RCL1: variants seen among roughly 807,000 people sequenced by gnomAD.
The protein encoded by RCL1 is RNA 3'-terminal phosphate cyclase-like protein.
A neutral mutation model predicts 42.4 loss-of-function variants in RCL1; 24 were observed. That is an observed-to-expected ratio of 0.57 (90% CI 0.41 to 0.80). The LOEUF is 0.80. Among genes scored for constraint, RCL1 ranks in the 30% least tolerant of loss-of-function variants. The probability of loss-of-function intolerance (pLI) is 0.00; values close to 1 mark genes in which losing one functional copy is unlikely to be tolerated. For synonymous variants in RCL1, 228 were observed against 177.3 expected, an observed-to-expected ratio of 1.29 and a Z score of -2.27; for missense variants, 578 against 467.9, an observed-to-expected ratio of 1.24 and a Z score of -2.17.
intron 3 of RCL1, among the ~76,000 whole-genome samples, chr9:4,828,042 C>T (rs890291877): frequency 2.0e-5 from 3 of 151,792 alleles, no homozygotes; most frequent in East Asian, 1.9e-4. Flanking sequence ...AAAAATTAGC[C>T]AGGCATGGTG....
chr9:4,799,913 C>T (rs972936534), intron 1 of RCL1, among the ~76,000 whole-genome samples: 3 of 152,128 alleles, frequency 2.0e-5, no homozygotes, highest in Admixed American at 1.3e-4. Flanking sequence ...TGGTGACTAT[C>T]ATCAAAAGTT....
intron 7 of RCL1, among the ~76,000 whole-genome samples, chr9:4,847,872 T>C (rs1461682909): frequency 6.6e-6 from 1 of 152,228 alleles, no homozygotes; most frequent in Non-Finnish European, 1.5e-5. Context: ...CATTCTGTTC[T>C]TCCTTCCTCC....
At chr9:4,821,854 A>C (rs960714072) in intron 1 of RCL1, among the ~76,000 whole-genome samples, 2 of 152,232 alleles carry the variant, frequency 1.3e-5, no homozygotes, top group Non-Finnish European at 2.9e-5. Flanking sequence ...GCATTCATCT[A>C]TTCATAAGGC....
intron 8 of RCL1, among the ~76,000 whole-genome samples, chr9:4,859,288 T>G (rs1488010510): frequency 6.6e-6 from 1 of 152,220 alleles, no homozygotes; most frequent in Non-Finnish European, 1.5e-5. Context: ...TAATATTGCC[T>G]TCTGCCAAAT....
At chr9:4,823,416 A>C (rs1369067341) in intron 1 of RCL1, 132 bp from the exon 2 acceptor site, 1 of 596,066 alleles carries the variant, frequency 1.7e-6, no homozygotes, top group Non-Finnish European at 2.9e-6. Context: ...CCTTTAGGAA[A>C]GCCCAGGTGT....
chr9:4,856,204 T>C (rs1817953165), intron 8 of RCL1, among the ~76,000 whole-genome samples: 2 of 152,240 alleles, frequency 1.3e-5, no homozygotes, highest in Non-Finnish European at 2.9e-5. Flanking sequence ...GTTTTCTTTT[T>C]TCCCTAGGAC....
chr9:4,815,453 CTT>C (rs71326139), intron 1 of RCL1, among the ~76,000 whole-genome samples: 115 of 141,174 alleles, frequency 8.1e-4, no homozygotes, highest in African/African-American at 1.2e-3. Context: ...TTTTTCTTTT[CTT>C]TTTTTTTTTT....
At position 4,854,599 on chromosome 9, in the gene RCL1, C is replaced by T. The variant is rs567926862; in HGVS notation, c.971+5049C>T. Among the ~76,000 whole-genome samples, 11 of 152,238 alleles carry T rather than the reference C, an allele frequency of 7.2e-5. No individual in the cohort carries two copies. In the South Asian group the frequency reaches 2.3e-3, roughly 32 times the overall value. On this transcript the variant is annotated intron_variant, in intron 8 of 8. Coordinates refer to ENST00000381750, the MANE Select transcript of RCL1 (RefSeq NM_005772.5). ...CATGATTGCCTTCACCCCAATCTCT[C>T]ACATGCTTCAAAAGAGGGGTCTGGT...
Position 4,793,118 on chromosome 9 carries a change from C to T in RCL1, c.27C>T (p.Ser9=), listed in dbSNP as rs567112355. 1.9e-6 allele frequency: 3 copies of T among 1,610,264 alleles called. No homozygotes were observed. The African/African-American group carries it at 4.0e-5, about 22-fold the overall frequency. The change falls in exon 1 of 9, where the codon AGC becomes AGT. Residue 9 remains serine, a synonymous_variant. Coordinates refer to ENST00000381750, the MANE Select transcript of RCL1 (RefSeq NM_005772.5). ...TGGCGACTCAGGCGCACTCCCTCAG[C>T]TACGCAGGGTGCAACTTCTTGCGCC... MATQAHSL[S]YAGCNFLRQR...
intron 8 of RCL1, among the ~76,000 whole-genome samples, chr9:4,855,666 C>T (rs999444940): frequency 6.6e-6 from 1 of 151,862 alleles, no homozygotes; most frequent in Non-Finnish European, 1.5e-5. Context: ...AGCATTTTTG[C>T]TCTTCAATAT....
At chr9:4,856,601 T>G (rs776105017) in intron 8 of RCL1, among the ~76,000 whole-genome samples, 4 of 152,198 alleles carry the variant, frequency 2.6e-5, no homozygotes, top group Non-Finnish European at 4.4e-5. Flanking sequence ...AAGCATTTAA[T>G]TAGACACCAT....
intron 1 of RCL1, among the ~76,000 whole-genome samples, chr9:4,807,316 C>G (rs907209530): frequency 3.4e-4 from 51 of 151,924 alleles, no homozygotes; most frequent in African/African-American, 1.2e-3. Context: ...TTATTTTGCT[C>G]TTTTTCTAAG....
At chr9:4,846,628 C>G (rs1817524240) in intron 7 of RCL1, among the ~76,000 whole-genome samples, 2 of 152,144 alleles carry the variant, frequency 1.3e-5, no homozygotes, top group African/African-American at 2.4e-5. Context: ...TGCAGGATTT[C>G]TTTTCCTGGT....
rs748775869 is a variant in RCL1, at chr9:4,860,577, A to G, written c.*302A>G. The stretch of plus-strand genomic sequence containing the variant: ...GCTGCTAGAACAGTCTCGTAGCTGC[A>G]GTTCAGCTGTGCTTCCTCAGCCTAC... On this transcript the variant is annotated 3_prime_UTR_variant, in exon 9 of 9. Coordinates refer to ENST00000381750, the MANE Select transcript of RCL1 (RefSeq NM_005772.5). 6.0e-5 allele frequency: 17 copies of G among 284,834 alleles called. No individual in the cohort carries two copies. The Admixed American group carries it at 6.1e-4, about 10-fold the overall frequency. 17.6% of individuals were successfully genotyped at this position (284,834 alleles called of 1,614,324 possible). A position where few individuals can be genotyped will look rare whatever the true frequency, so the allele number is the denominator to read the frequency against.
intron 8 of RCL1, chr9:4,850,317 A>G (rs1817690434): frequency 1.9e-6 from 1 of 534,260 alleles, no homozygotes; most frequent in Non-Finnish European, 3.8e-6. Flanking sequence ...TTCGGTTATC[A>G]TGGTACCGAT....
chr9:4,833,038 T>G, intron 3 of RCL1, 116 bp from the exon 4 acceptor site: 1 of 705,970 alleles, frequency 1.4e-6, no homozygotes, highest in East Asian at 2.7e-5. Flanking sequence ...GCCAGCATCC[T>G]TTCTGTTTAC....
chr9:4,837,301 C>A (rs1259887419), intron 5 of RCL1, among the ~76,000 whole-genome samples: 1 of 152,042 alleles, frequency 6.6e-6, no homozygotes, highest in Non-Finnish European at 1.5e-5. Flanking sequence ...TTGCCAAATA[C>A]ACTGCGGTTA....
intron 1 of RCL1, among the ~76,000 whole-genome samples, chr9:4,822,001 A>G (rs1428058697): frequency 6.6e-6 from 1 of 152,212 alleles, no homozygotes; most frequent in Non-Finnish European, 1.5e-5. Flanking sequence ...TGCCTCAGGG[A>G]TATGAGTATT....
chr9:4,821,596 T>A (rs537829847), intron 1 of RCL1, among the ~76,000 whole-genome samples: 9 of 152,052 alleles, frequency 5.9e-5, no homozygotes, highest in Non-Finnish European at 8.8e-5. Flanking sequence ...TAGCAGAAAG[T>A]GGAAGAGCAA....
Sources: allele counts gnomAD v4.1 joint callset (sites outside exome capture counted in the v4.1 genomes callset), GRCh38; gene constraint gnomAD v4.1.1; transcripts MANE v1.5; gene names NCBI Gene and HGNC (gene_info 2026-07-23, HGNC 2026-07-21).